Variants in AGBL4 observed in about 807,000 individuals in gnomAD.
AGBL4 encodes the protein cytosolic carboxypeptidase 6.
Under a neutral mutation model 66.4 loss-of-function variants are expected in AGBL4, and 58 were observed. The ratio of observed to expected loss-of-function variants is 0.87; its 90% CI spans 0.71 to 1.09. The LOEUF (loss-of-function observed/expected upper bound fraction) is 1.09. Among genes scored for constraint, AGBL4 ranks in the 50% least tolerant of loss-of-function variants. The pLI, the probability that AGBL4 is intolerant of heterozygous loss-of-function variation, is 0.00. For missense variants in AGBL4, 579 were observed against 631.0 expected (o/e 0.92, Z 0.88); for synonymous variants, 234 against 222.9 (o/e 1.05, Z -0.44).
At chr1:49,978,314 T>C (rs1658750727) in intron 1 of AGBL4, among the ~76,000 whole-genome samples, 1 of 152,130 alleles carries the variant, frequency 6.6e-6, no homozygotes, top group African/African-American at 2.4e-5. Flanking sequence ...TATAGTGGTA[T>C]GCACTTGTAG....
intron 6 of AGBL4, among the ~76,000 whole-genome samples, chr1:48,693,147 G>C (rs533854056): frequency 3.9e-5 from 6 of 152,160 alleles, no homozygotes; most frequent in Non-Finnish European, 7.3e-5. Flanking sequence ...TTAAAGCGCT[G>C]ATACTAATCC....
At chr1:49,408,546 A>G (rs1324409315) in intron 3 of AGBL4, among the ~76,000 whole-genome samples, 1 of 152,214 alleles carries the variant, frequency 6.6e-6, no homozygotes, top group Non-Finnish European at 1.5e-5. Context: ...CAATCTGGGT[A>G]GGCATCATCT....
chr1:49,215,682 TCTGGACAC>T (rs1291442472), intron 4 of AGBL4, among the ~76,000 whole-genome samples: 1 of 152,056 alleles, frequency 6.6e-6, no homozygotes, highest in East Asian at 1.9e-4. Context: ...TTTGCACAAG[TCTGGACAC>T]AATATGCTGG....
At chr1:49,076,659 T>C (rs1406846614) in intron 4 of AGBL4, among the ~76,000 whole-genome samples, 3 of 152,188 alleles carry the variant, frequency 2.0e-5, no homozygotes, top group Non-Finnish European at 4.4e-5. Context: ...TAGAGAATGA[T>C]GGGACATTTG....
At chr1:49,732,093 G>T (rs61783636) in intron 2 of AGBL4, among the ~76,000 whole-genome samples, 89 of 152,294 alleles carry the variant, frequency 5.8e-4, no homozygotes, top group Non-Finnish European at 1.0e-3. Context: ...ACCACTTCCA[G>T]GGGTATTGTC....
intron 4 of AGBL4, among the ~76,000 whole-genome samples, chr1:49,105,682 C>T (rs75770484): frequency 0.011 from 1,644 of 152,174 alleles, 19 homozygotes; most frequent in African/African-American, 0.037. Flanking sequence ...TGAGAATGTT[C>T]CTCAATCTCG....
chr1:49,062,087 C>T (rs1644413127), intron 4 of AGBL4, among the ~76,000 whole-genome samples: 1 of 152,162 alleles, frequency 6.6e-6, no homozygotes, highest in Non-Finnish European at 1.5e-5. Context: ...AGATTGCACT[C>T]TCCTTATGAG....
At chr1:49,340,189 A>T (rs1241562183) in intron 3 of AGBL4, among the ~76,000 whole-genome samples, 1 of 149,712 alleles carries the variant, frequency 6.7e-6, no homozygotes, top group East Asian at 1.9e-4. Flanking sequence ...GCCTGGCTAG[A>T]ATTAGTACGT....
At chr1:48,893,552 G>A (rs182152575) in intron 5 of AGBL4, among the ~76,000 whole-genome samples, 2 of 151,948 alleles carry the variant, frequency 1.3e-5, no homozygotes. Flanking sequence ...GGGCATGGTG[G>A]TGGGCTCCTG....
rs886904820 is a variant in AGBL4, at chr1:49,153,264, C to T, written c.377+92506G>A. ...AAGGAGTTTCAGGCCTGCCATTCTT[C>T]TTGCTGAAGACTGTCACTGAGGGGA... On this transcript the variant is annotated intron_variant, in intron 4 of 13. Coordinates refer to ENST00000371839, the MANE Select transcript of AGBL4 (RefSeq NM_032785.4). Among the ~76,000 whole-genome samples, 3 of 152,242 alleles carry T rather than the reference C, an allele frequency of 2.0e-5. No homozygotes were observed. The South Asian group carries it at 6.2e-4, about 32-fold the overall frequency.
intron 2 of AGBL4, among the ~76,000 whole-genome samples, chr1:49,761,548 A>G (rs945420125): frequency 1.3e-5 from 2 of 151,982 alleles, no homozygotes; most frequent in African/African-American, 4.8e-5. Context: ...CTTCTTCTTT[A>G]CCTCTTTTTG....
intron 6 of AGBL4, among the ~76,000 whole-genome samples, chr1:48,822,417 G>A (rs757062370): frequency 1.3e-5 from 2 of 152,282 alleles, no homozygotes; most frequent in African/African-American, 2.4e-5. Flanking sequence ...GGAAGCAATC[G>A]GACCTAGAAG....
At chr1:49,926,066 C>G (rs1484996786) in intron 1 of AGBL4, among the ~76,000 whole-genome samples, 1 of 152,154 alleles carries the variant, frequency 6.6e-6, no homozygotes. Flanking sequence ...CAGTTGACCT[C>G]GAGCAAGACT....
chr1:49,132,267 A>G (rs759330247), intron 4 of AGBL4, among the ~76,000 whole-genome samples: 2 of 151,972 alleles, frequency 1.3e-5, no homozygotes, highest in African/African-American at 2.4e-5. Flanking sequence ...GCCTATACAG[A>G]GCAGTTTTAT....
At chr1:48,631,434 AGG>A (rs2148410652) in intron 9 of AGBL4, among the ~76,000 whole-genome samples, 1 of 152,322 alleles carries the variant, frequency 6.6e-6, no homozygotes, top group South Asian at 2.1e-4. Context: ...TCTGTCACTC[AGG>A]CTGGAGTGCA....
intron 4 of AGBL4, among the ~76,000 whole-genome samples, chr1:49,104,296 G>C (rs772685976): frequency 5.9e-5 from 9 of 152,128 alleles, no homozygotes; most frequent in Non-Finnish European, 1.0e-4. Flanking sequence ...TAATTTTATA[G>C]TAATGTATGT....
At chr1:49,349,644 G>T (rs1186400639) in intron 3 of AGBL4, among the ~76,000 whole-genome samples, 1 of 151,992 alleles carries the variant, frequency 6.6e-6, no homozygotes, top group Admixed American at 6.6e-5. Context: ...GTACTTTTTG[G>T]ATAAATTTCT....
chr1:49,716,882 C>T (rs1243069499), intron 2 of AGBL4, among the ~76,000 whole-genome samples: 1 of 152,120 alleles, frequency 6.6e-6, no homozygotes, highest in Non-Finnish European at 1.5e-5. Context: ...CAAGGATGCC[C>T]TCTCTCACCA....
intron 1 of AGBL4, among the ~76,000 whole-genome samples, chr1:49,858,729 G>T (rs543043444): frequency 1.1e-4 from 17 of 152,140 alleles, no homozygotes; most frequent in Non-Finnish European, 2.1e-4. Context: ...GAAAATGCAT[G>T]AAAAAGGCCA....
Sources: allele counts gnomAD v4.1 joint callset (sites outside exome capture counted in the v4.1 genomes callset), GRCh38; gene constraint gnomAD v4.1.1; transcripts MANE v1.5; gene names NCBI Gene and HGNC (gene_info 2026-07-23, HGNC 2026-07-21).